Variants in STXBP4 observed in about 807,000 individuals in gnomAD.
The protein encoded by STXBP4 is syntaxin-binding protein 4.
In STXBP4, 55 loss-of-function variants were observed where a neutral mutation model predicts 76.1. The ratio of observed to expected loss-of-function variants is 0.72; its 90% CI spans 0.58 to 0.91. The LOEUF (loss-of-function observed/expected upper bound fraction) is 0.91. Among genes scored for constraint, STXBP4 ranks in the 40% least tolerant of loss-of-function variants. The pLI is 0.00. For synonymous variants in STXBP4, 201 were observed against 220.2 expected (o/e 0.91, Z 0.77); for missense variants, 618 against 636.9 (o/e 0.97, Z 0.32).
chr17:55,143,646 A>T (rs1164406127), intron 17 of STXBP4, among the ~76,000 whole-genome samples: 1 of 152,154 alleles, frequency 6.6e-6, no homozygotes, highest in Non-Finnish European at 1.5e-5. Flanking sequence ...AAGAGGAGAT[A>T]AAAGGGAGTC....
chr17:55,142,527 C>A (rs2080105469), intron 17 of STXBP4, among the ~76,000 whole-genome samples: 1 of 152,136 alleles, frequency 6.6e-6, no homozygotes. Flanking sequence ...ATATTACCTA[C>A]TTTATAAAGT....
intron 3 of STXBP4, among the ~76,000 whole-genome samples, chr17:54,990,418 A>ATC (rs1245280359): frequency 6.6e-6 from 1 of 152,116 alleles, no homozygotes; most frequent in Non-Finnish European, 1.5e-5. Context: ...CATGTGAGGG[A>ATC]TCTAGCTTGC....
chr17:55,195,964 G>A, the STXBP4 span, among the ~76,000 whole-genome samples: 1 of 152,142 alleles, frequency 6.6e-6, no homozygotes. Context: ...TATCCTGTAT[G>A]TCCAAAATGC....
At chr17:54,992,775 A>G (rs745956848) in intron 4 of STXBP4, among the ~76,000 whole-genome samples, 1 of 148,868 alleles carries the variant, frequency 6.7e-6, no homozygotes, top group Admixed American at 6.7e-5. Context: ...CAGTGGCACA[A>G]TCTCGGCTCA....
At chr17:55,023,425 A>G (rs2078349595) in intron 8 of STXBP4, among the ~76,000 whole-genome samples, 1 of 152,238 alleles carries the variant, frequency 6.6e-6, no homozygotes, top group African/African-American at 2.4e-5. Flanking sequence ...CCTGAGAAAC[A>G]TAGCCTGAAA....
chr17:55,073,781 A>C (rs2079149239), intron 13 of STXBP4, among the ~76,000 whole-genome samples: 1 of 152,038 alleles, frequency 6.6e-6, no homozygotes, highest in Admixed American at 6.6e-5. Flanking sequence ...GACACCTGCC[A>C]CCACACCCAG....
intron 17 of STXBP4, among the ~76,000 whole-genome samples, chr17:55,155,710 C>CT (rs1170322055): frequency 6.6e-6 from 1 of 151,992 alleles, no homozygotes; most frequent in African/African-American, 2.4e-5. Context: ...AACAAGTGCC[C>CT]TTTTTGTCAT....
intron 16 of STXBP4, among the ~76,000 whole-genome samples, chr17:55,136,189 G>A (rs1453038539): frequency 6.6e-6 from 1 of 152,140 alleles, no homozygotes; most frequent in African/African-American, 2.4e-5. Flanking sequence ...AAACATAGTT[G>A]ATTGTTAGGG....
chr17:55,050,498 G>A (rs1567738031), intron 12 of STXBP4, among the ~76,000 whole-genome samples: 1 of 151,908 alleles, frequency 6.6e-6, no homozygotes, highest in African/African-American at 2.4e-5. Context: ...GATGACGGAG[G>A]ACATCCCCCA....
intron 10 of STXBP4, among the ~76,000 whole-genome samples, chr17:55,040,559 T>C (rs1005703400): frequency 6.6e-6 from 1 of 152,182 alleles, no homozygotes. Flanking sequence ...TATCCAGAAT[T>C]GATACAAGTC....
intron 12 of STXBP4, among the ~76,000 whole-genome samples, chr17:55,052,946 T>TGTGC (rs2078878677): frequency 7.2e-6 from 1 of 138,758 alleles, no homozygotes; most frequent in African/African-American, 2.8e-5. Context: ...TGTGTGTGTG[T>TGTGC]GTGTGGGTTG....
intron 16 of STXBP4, among the ~76,000 whole-genome samples, chr17:55,132,207 T>A (rs1463530301): frequency 6.6e-6 from 1 of 152,234 alleles, no homozygotes; most frequent in Non-Finnish European, 1.5e-5. Context: ...ATTATTATTA[T>A]TTGAGACGGA....
At chr17:54,985,964 C>T (rs898104409) in intron 2 of STXBP4, among the ~76,000 whole-genome samples, 178 bp from the exon 3 acceptor site, 18 of 152,048 alleles carry the variant, frequency 1.2e-4, no homozygotes, top group Non-Finnish European at 2.2e-4. Context: ...TTACACTTCT[C>T]GGATGTTATT....
At chr17:55,196,917 C>T in the STXBP4 span, among the ~76,000 whole-genome samples, 2 of 152,194 alleles carry the variant, frequency 1.3e-5, no homozygotes, top group African/African-American at 4.8e-5. Context: ...GAAGAGCATG[C>T]ATTCATTCCA....
At chr17:55,120,558 T>A (rs530831674) in intron 16 of STXBP4, among the ~76,000 whole-genome samples, 2 of 152,330 alleles carry the variant, frequency 1.3e-5, no homozygotes, top group African/African-American at 4.8e-5. Flanking sequence ...CTTGGACAAT[T>A]AGACCCATTC....
At chr17:55,033,087 T>C (rs1022265756) in intron 9 of STXBP4, among the ~76,000 whole-genome samples, 1 of 151,946 alleles carries the variant, frequency 6.6e-6, no homozygotes, top group Non-Finnish European at 1.5e-5. Context: ...GAATTTCAGG[T>C]AGGAGGTCAG....
chr17:55,103,479 A>C (rs558201029), intron 16 of STXBP4, among the ~76,000 whole-genome samples: 1 of 151,236 alleles, frequency 6.6e-6, no homozygotes, highest in South Asian at 2.1e-4. Flanking sequence ...GTTCTGTTCC[A>C]TTGGTCTATA....
the STXBP4 span, among the ~76,000 whole-genome samples, chr17:55,206,606 C>T: frequency 6.6e-6 from 1 of 151,946 alleles, no homozygotes; most frequent in African/African-American, 2.4e-5. Flanking sequence ...CCTGTAATCC[C>T]AGCACTTTGA....
chr17:55,164,996 A>G lies in STXBP4; in HGVS notation c.*5085A>G, dbSNP rs1271810808. The stretch of plus-strand genomic sequence containing the variant: ...GTAATTCGTATTCTATGCAAAGGAT[A>G]TACGATTGAAATTAACCAAAACTTT... On this transcript the variant is annotated 3_prime_UTR_variant, in exon 18 of 18. Coordinates refer to ENST00000376352, the MANE Select transcript of STXBP4 (RefSeq NM_178509.6). 1 of 152,242 alleles carries G rather than the reference A, an allele frequency of 6.6e-6. No homozygotes were observed. Among genetic ancestry groups the G allele is most frequent in the East Asian group, 1.9e-4 (1 of 5,200 alleles). 9.4% of individuals were successfully genotyped at this position (152,242 alleles called of 1,614,324 possible).
Sources: allele counts gnomAD v4.1 joint callset (sites outside exome capture counted in the v4.1 genomes callset), GRCh38; gene constraint gnomAD v4.1.1; transcripts MANE v1.5; gene names NCBI Gene and HGNC (gene_info 2026-07-23, HGNC 2026-07-21).